ADAMTSL1: variants seen among roughly 807,000 people sequenced by gnomAD.
ADAMTSL1 encodes ADAMTS-like protein 1.
In ADAMTSL1, 126 loss-of-function variants were observed where a neutral mutation model predicts 201.8. The ratio of observed to expected loss-of-function variants is 0.62; its 90% CI spans 0.54 to 0.72. The LOEUF (loss-of-function observed/expected upper bound fraction) is 0.72, where lower values mean the gene tolerates loss of function less well. ADAMTSL1 is among the 30% of genes least tolerant of loss of function. The pLI, the probability that ADAMTSL1 is intolerant of heterozygous loss-of-function variation, is 0.00. For synonymous variants in ADAMTSL1, 1,121 were observed against 903.4 expected (o/e 1.24, Z -4.32); for missense variants, 2,679 against 2,277.8 (o/e 1.18, Z -3.59).
At chr9:18,536,468 C>A (rs1819782134) in intron 3 of ADAMTSL1, among the ~76,000 whole-genome samples, 1 of 148,922 alleles carries the variant, frequency 6.7e-6, no homozygotes, top group Non-Finnish European at 1.5e-5. Flanking sequence ...TCCTGAAAAG[C>A]AGCTCACAGG....
chr9:18,649,930 A>T (rs1362138265), intron 7 of ADAMTSL1, among the ~76,000 whole-genome samples: 1 of 152,138 alleles, frequency 6.6e-6, no homozygotes, highest in African/African-American at 2.4e-5. Context: ...GCTGTCAGAC[A>T]GGGACATTTA....
chr9:18,499,529 A>G (rs965833328), intron 1 of ADAMTSL1, among the ~76,000 whole-genome samples: 1 of 152,244 alleles, frequency 6.6e-6, no homozygotes, highest in African/African-American at 2.4e-5. Flanking sequence ...GTTTCTGTGT[A>G]TAGATTGCTC....
chr9:18,025,445 A>G (rs962788589), intron 1 of ADAMTSL1, among the ~76,000 whole-genome samples: 1 of 152,116 alleles, frequency 6.6e-6, no homozygotes, highest in African/African-American at 2.4e-5. Context: ...GGTGATAGGT[A>G]GGGGTTCAGT....
At chr9:18,061,625 A>G (rs1412731858) in intron 1 of ADAMTSL1, among the ~76,000 whole-genome samples, 3 of 152,226 alleles carry the variant, frequency 2.0e-5, no homozygotes, top group African/African-American at 7.2e-5. Context: ...AGCAAGTTAG[A>G]TGCCCCCAGA....
In ADAMTSL1 at chr9:18,681,877, G is replaced by A; in HGVS notation, c.1407G>A (p.Met469Ile). Residue 469 changes from methionine (M) to isoleucine (I), a missense_variant, in exon 12 of 29, where the codon ATG (methionine) becomes ATA (isoleucine). Transcript: ENST00000380548. ...TCCTCTGCATCGACCATCGAGGAAT[G>A]CACACAGGAGGCTGTAGCCCAAAAA... ...RVVLCIDHRGMHTGGCSPKTK... is the reference protein window; with the variant it reads ...RVVLCIDHRGIHTGGCSPKTK... 6.2e-7 allele frequency: 1 copy of A among 1,614,078 alleles called. No homozygotes were observed. Among genetic ancestry groups the A allele is most frequent in the Non-Finnish European group, 8.5e-7 (1 of 1,179,964 alleles).
intron 21 of ADAMTSL1, among the ~76,000 whole-genome samples, chr9:18,818,407 G>T (rs1284353008): frequency 6.6e-6 from 1 of 152,158 alleles, no homozygotes; most frequent in Non-Finnish European, 1.5e-5. Flanking sequence ...CCATTTTAGA[G>T]TAAGTAGGAG....
chr9:17,961,245 GATT>G (rs1348117695), intron 1 of ADAMTSL1, among the ~76,000 whole-genome samples: 1 of 151,852 alleles, frequency 6.6e-6, no homozygotes, highest in Non-Finnish European at 1.5e-5. Flanking sequence ...TGGATGTTGT[GATT>G]ATTATTATTA....
At chr9:18,030,802 A>G (rs1240040610) in intron 1 of ADAMTSL1, among the ~76,000 whole-genome samples, 2 of 152,134 alleles carry the variant, frequency 1.3e-5, no homozygotes, top group Non-Finnish European at 2.9e-5. Flanking sequence ...AATGCCAATG[A>G]ATCATAGGTT....
At chr9:18,386,610 G>A (rs542402169) in intron 2 of ADAMTSL1, among the ~76,000 whole-genome samples, 1 of 152,170 alleles carries the variant, frequency 6.6e-6, no homozygotes, top group East Asian at 1.9e-4. Context: ...GTAATTTTGT[G>A]TACCTTTATC....
chr9:18,718,129 A>T (rs1372571458), intron 14 of ADAMTSL1: 2 of 1,078,070 alleles, frequency 1.9e-6, no homozygotes, highest in African/African-American at 3.1e-5. Flanking sequence ...GTCTTGCTAG[A>T]TTTTTGACCT....
intron 2 of ADAMTSL1, among the ~76,000 whole-genome samples, chr9:18,363,534 TAAAATA>T (rs1209892314): frequency 6.6e-6 from 1 of 152,234 alleles, no homozygotes; most frequent in Non-Finnish European, 1.5e-5. Flanking sequence ...TGTTCATTCT[TAAAATA>T]GGAATAGATA....
chr9:18,825,726 C>G (rs1824507133), intron 21 of ADAMTSL1, among the ~76,000 whole-genome samples: 1 of 151,706 alleles, frequency 6.6e-6, no homozygotes, highest in Admixed American at 6.6e-5. Flanking sequence ...CAACCCCTCC[C>G]CATTCATTCC....
At chr9:18,754,004 C>A (rs1375439214) in intron 16 of ADAMTSL1, among the ~76,000 whole-genome samples, 1 of 152,110 alleles carries the variant, frequency 6.6e-6, no homozygotes, top group African/African-American at 2.4e-5. Flanking sequence ...CCTGTGAATT[C>A]CAAAAGTCTG....
At chr9:17,982,561 G>T (rs978353448) in intron 1 of ADAMTSL1, among the ~76,000 whole-genome samples, 1 of 152,108 alleles carries the variant, frequency 6.6e-6, no homozygotes. Context: ...GCAGTAAGCC[G>T]AGATCGTGCC....
chr9:18,762,463 G>A (rs187123154), intron 16 of ADAMTSL1, among the ~76,000 whole-genome samples: 129 of 152,074 alleles, frequency 8.5e-4, no homozygotes, highest in African/African-American at 3.1e-3. Context: ...TGAAGAATGG[G>A]GCATCCATCC....
chr9:17,913,660 A>C (rs1290989642), intron 1 of ADAMTSL1, among the ~76,000 whole-genome samples: 1 of 152,214 alleles, frequency 6.6e-6, no homozygotes, highest in African/African-American at 2.4e-5. Flanking sequence ...AAGGCAAGAA[A>C]TAACTAAAAT....
rs187894993 is a variant in ADAMTSL1 at position 18,355,549 on chromosome 9, A to T, written c.208-149280A>T. ...TGTATTTCTATAGTGTTAATGAAAG[A>T]CATTGATAAAAATACATATAGTATC... On this transcript the variant is annotated intron_variant, in intron 2 of 29. Transcript: ENST00000680146. Among the ~76,000 whole-genome samples the T allele has an allele frequency of 1.7e-3, 252 of 152,344 alleles. 1 individual carries two copies. Among genetic ancestry groups the T allele is most frequent in the African/African-American group, 5.9e-3 (247 of 41,582 alleles).
At chr9:18,298,928 C>A (rs923004192) in intron 2 of ADAMTSL1, among the ~76,000 whole-genome samples, 1 of 151,318 alleles carries the variant, frequency 6.6e-6, no homozygotes, top group East Asian at 2.0e-4. Flanking sequence ...AGGAGAATGG[C>A]GTGAACCCGG....
chr9:18,699,404 A>G (rs747715496), intron 13 of ADAMTSL1, among the ~76,000 whole-genome samples: 2 of 148,248 alleles, frequency 1.3e-5, no homozygotes, highest in Admixed American at 6.8e-5. Context: ...AGCTCACTGT[A>G]ACCTTGAACT....
Sources: gnomAD v4.1 joint callset for allele counts (sites outside exome capture counted in the v4.1 genomes callset) on GRCh38, gnomAD v4.1.1 for gene constraint, MANE v1.5 for transcripts, NCBI Gene and HGNC (gene_info 2026-07-23, HGNC 2026-07-21) for gene names.